OR1F1: variants seen among roughly 807,000 people sequenced by gnomAD.
OR1F1 encodes the protein olfactory receptor 1F1.
For synonymous variants in OR1F1, 184 were observed against 156.7 expected (o/e 1.17, Z -1.30); for missense variants, 493 against 376.3 (o/e 1.31, Z -2.57).
chr16:3,197,487 C>A, the OR1F1 span, among the ~76,000 whole-genome samples: 2 of 151,550 alleles, frequency 1.3e-5, no homozygotes, highest in Non-Finnish European at 2.9e-5. Context: ...TCAACTTGCA[C>A]AGGCCACATG....
chr16:3,195,301 G>T, the OR1F1 span, among the ~76,000 whole-genome samples: 2 of 152,066 alleles, frequency 1.3e-5, no homozygotes, highest in African/African-American at 4.8e-5. Flanking sequence ...AAAGAAAACA[G>T]AAAAAAAGGC....
chr16:3,190,864 G>A, the OR1F1 span, among the ~76,000 whole-genome samples: 82 of 152,128 alleles, frequency 5.4e-4, 3 homozygotes, highest in East Asian at 0.015. Flanking sequence ...TGGGAAGTCT[G>A]TAATACAATT....
chr16:3,189,352 G>T, the OR1F1 span, among the ~76,000 whole-genome samples: 3 of 152,174 alleles, frequency 2.0e-5, no homozygotes, highest in Non-Finnish European at 4.4e-5. Context: ...CTCACTGCGC[G>T]CCTCGGAGAC....
At chr16:3,204,991 C>G (rs753806516) in exon 1 of OR1F1, 2 of 1,614,162 alleles carry the variant, frequency 1.2e-6, no homozygotes, top group South Asian at 2.2e-5. Flanking sequence ...GGCTGTGGTT[C>G]TCCTCTTCTA....
exon 1 of OR1F1, chr16:3,205,131 G>A (rs1958190060): frequency 6.2e-7 from 1 of 1,613,478 alleles, no homozygotes; most frequent in African/African-American, 1.3e-5. Context: ...TGAGGAACAG[G>A]TACTTGAAAG....
At chr16:3,190,604 A>G in the OR1F1 span, among the ~76,000 whole-genome samples, 1 of 152,120 alleles carries the variant, frequency 6.6e-6, no homozygotes, top group Non-Finnish European at 1.5e-5. Context: ...TACAAAAATT[A>G]GTCGGTCATG....
At chr16:3,191,725 T>C in the OR1F1 span, among the ~76,000 whole-genome samples, 3 of 148,124 alleles carry the variant, frequency 2.0e-5, no homozygotes, top group Non-Finnish European at 4.5e-5. Flanking sequence ...GTCAGTGAAA[T>C]GACCAAAGGC....
At chr16:3,196,970 G>A in the OR1F1 span, among the ~76,000 whole-genome samples, 2 of 152,126 alleles carry the variant, frequency 1.3e-5, no homozygotes, top group Admixed American at 1.3e-4. Flanking sequence ...TCCGCCTGCC[G>A]GCTTCAAGTG....
the OR1F1 span, among the ~76,000 whole-genome samples, chr16:3,197,401 G>C: frequency 6.6e-6 from 1 of 152,134 alleles, no homozygotes; most frequent in African/African-American, 2.4e-5. Flanking sequence ...CAATGAGATA[G>C]GTTATGTCGT....
chr16:3,196,249 C>T, the OR1F1 span, among the ~76,000 whole-genome samples: 1 of 152,198 alleles, frequency 6.6e-6, no homozygotes, highest in Admixed American at 6.5e-5. Context: ...CCTTTGCAGC[C>T]CTAGGCTGCA....
chr16:3,205,104 C>G (rs148030835), exon 1 of OR1F1: 1 of 1,613,948 alleles, frequency 6.2e-7, no homozygotes, highest in African/African-American at 1.3e-5. Flanking sequence ...CCATGCTAAA[C>G]CCTTTCATCT....
chr16:3,189,799 G>C, the OR1F1 span: 3 of 152,014 alleles, frequency 2.0e-5, no homozygotes, highest in African/African-American at 7.2e-5. Context: ...CCCTGCAAAG[G>C]TAATTTGTAC....
the OR1F1 span, among the ~76,000 whole-genome samples, chr16:3,196,699 CTTTT>C: frequency 8.1e-6 from 1 of 123,954 alleles, no homozygotes. Flanking sequence ...TGAAATTAAT[CTTTT>C]TTTTTTTTTT....
the OR1F1 span, among the ~76,000 whole-genome samples, chr16:3,196,009 G>A: frequency 1.7e-4 from 26 of 152,330 alleles, no homozygotes; most frequent in South Asian, 4.1e-3. Flanking sequence ...AGCAGGACGC[G>A]TGGGTCACGT....
chr16:3,195,491 C>G, the OR1F1 span, among the ~76,000 whole-genome samples: 333 of 152,090 alleles, frequency 2.2e-3, 2 homozygotes, highest in Middle Eastern at 3.4e-3. Context: ...ACCAGCCTGG[C>G]TAACATGGTG....
the OR1F1 span, among the ~76,000 whole-genome samples, chr16:3,190,529 T>C: frequency 6.6e-6 from 1 of 152,136 alleles, no homozygotes; most frequent in Non-Finnish European, 1.5e-5. Flanking sequence ...GGCAGGTTAA[T>C]CACCTGATGT....
At chr16:3,194,802 G>A in the OR1F1 span, among the ~76,000 whole-genome samples, 1 of 152,224 alleles carries the variant, frequency 6.6e-6, no homozygotes, top group Non-Finnish European at 1.5e-5. Context: ...GTTTATGATC[G>A]TGAGTGATTT....
At chr16:3,189,077 A>T in the OR1F1 span, among the ~76,000 whole-genome samples, 1 of 152,162 alleles carries the variant, frequency 6.6e-6, no homozygotes, top group East Asian at 1.9e-4. Flanking sequence ...TTCGAGGCCC[A>T]CGTGGGAAAC....
exon 1 of OR1F1, chr16:3,204,656 C>A (rs763372475): frequency 6.2e-7 from 1 of 1,614,144 alleles, no homozygotes; most frequent in Non-Finnish European, 8.5e-7. Flanking sequence ...GCAAAGATGA[C>A]CCATCAGCTC....
Sources: gnomAD v4.1 joint callset for allele counts (sites outside exome capture counted in the v4.1 genomes callset) on GRCh38, gnomAD v4.1.1 for gene constraint, MANE v1.5 for transcripts, NCBI Gene and HGNC (gene_info 2026-07-23, HGNC 2026-07-21) for gene names.